The following CMIP variants were observed in gnomAD, a reference collection of about 807,000 sequenced individuals.
CMIP encodes the protein C-Maf-inducing protein.
Under a neutral mutation model 97.3 loss-of-function variants are expected in CMIP, and 13 were observed. The ratio of observed to expected loss-of-function variants is 0.13; its 90% confidence interval spans 0.09 to 0.21. The LOEUF is 0.21. CMIP is among the 10% of genes least tolerant of loss of function. The pLI is 1.00. For synonymous variants in CMIP, 538 were observed against 436.3 expected, an observed-to-expected ratio of 1.23 and a Z score of -2.91; for missense variants, 847 against 1,024.9, an observed-to-expected ratio of 0.83 and a Z score of 2.37.
intron 9 of CMIP, among the ~76,000 whole-genome samples, chr16:81,673,068 C>T (rs567894062): frequency 1.8e-4 from 28 of 152,186 alleles, no homozygotes; most frequent in Middle Eastern, 3.4e-3. Flanking sequence ...AGCAAGTGAC[C>T]GGAAGAGGTG....
chr16:81,661,569 G>A (rs1252273915), intron 6 of CMIP, among the ~76,000 whole-genome samples: 1 of 152,130 alleles, frequency 6.6e-6, no homozygotes, highest in African/African-American at 2.4e-5. Flanking sequence ...CTGCTGCCCC[G>A]CTCAGCTGGT....
intron 1 of CMIP, among the ~76,000 whole-genome samples, chr16:81,559,456 T>A (rs2090833636): frequency 6.6e-6 from 1 of 152,216 alleles, no homozygotes; most frequent in Non-Finnish European, 1.5e-5. Context: ...TATTCCTAAG[T>A]TCAGGTAAGG....
chr16:81,628,345 A>C (rs2092103321), intron 3 of CMIP, among the ~76,000 whole-genome samples: 1 of 152,120 alleles, frequency 6.6e-6, no homozygotes, highest in African/African-American at 2.4e-5. Context: ...CATCCAGCCC[A>C]AGCCGAGCCC....
At chr16:81,678,143 G>A (rs773170664) in intron 9 of CMIP, 132 bp from the exon 10 acceptor site, 4 of 689,440 alleles carry the variant, frequency 5.8e-6, no homozygotes, top group Non-Finnish European at 9.5e-6. Context: ...TTCCTCATTT[G>A]TAGCACAGGA....
At chr16:81,649,566 T>C (rs1032128083) in intron 3 of CMIP, among the ~76,000 whole-genome samples, 1 of 152,276 alleles carries the variant, frequency 6.6e-6, no homozygotes, top group Non-Finnish European at 1.5e-5. Flanking sequence ...ATGGTGGCTA[T>C]TTCTGGGTTG....
chr16:81,510,273 CTT>C (rs1417559173), intron 1 of CMIP, among the ~76,000 whole-genome samples: 5 of 152,146 alleles, frequency 3.3e-5, no homozygotes, highest in Admixed American at 1.3e-4. Context: ...TGTCAGGGCC[CTT>C]GTTTCCCTGG....
In CMIP at chr16:81,614,704, T is replaced by C. The variant is rs2091884379; in HGVS notation, c.427-6172T>C. On this transcript the variant is annotated intron_variant, in intron 2 of 20. Coordinates refer to ENST00000537098, the MANE Select transcript of CMIP (RefSeq NM_198390.3). This position sits in a 1 kb window ranked among gnomAD's most constrained non-coding sequence, Gnocchi z 5.3. The stretch of plus-strand genomic sequence containing the variant: ...TATGTGTGTGTGTGTGTGTATGGTA[T>C]GTCTGCATGTGTGTGCGTACACATG... Among the ~76,000 whole-genome samples the C allele has an allele frequency of 6.6e-6, 1 of 151,914 alleles. No individual in the cohort carries two copies. The highest frequency in any genetic ancestry group is 1.5e-5 in the Non-Finnish European group (1 of 67,982).
chr16:81,480,039 G>A (rs1051296818), intron 1 of CMIP, among the ~76,000 whole-genome samples: 7 of 152,168 alleles, frequency 4.6e-5, no homozygotes, highest in African/African-American at 9.7e-5. Context: ...CAAAACCCAG[G>A]CCCCACCCCA....
At chr16:81,457,760 G>A (rs553179457) in intron 1 of CMIP, among the ~76,000 whole-genome samples, 4 of 152,308 alleles carry the variant, frequency 2.6e-5, no homozygotes, top group East Asian at 3.9e-4. Flanking sequence ...CAGTCACCTC[G>A]TCTCTTCAGA....
chr16:81,451,832 C>T (rs1183118963), intron 1 of CMIP, among the ~76,000 whole-genome samples: 1 of 152,166 alleles, frequency 6.6e-6, no homozygotes, highest in Non-Finnish European at 1.5e-5. Flanking sequence ...AGGATGGAAG[C>T]CAGGCCACCC....
intron 1 of CMIP, among the ~76,000 whole-genome samples, chr16:81,549,657 A>G (rs866691001): frequency 1.3e-5 from 2 of 152,172 alleles, no homozygotes; most frequent in Non-Finnish European, 2.9e-5. Flanking sequence ...TGTACCATTC[A>G]TGATGAAATC....
intron 1 of CMIP, among the ~76,000 whole-genome samples, chr16:81,483,326 G>C (rs1009500975): frequency 5.9e-5 from 9 of 151,652 alleles, no homozygotes; most frequent in Non-Finnish European, 8.8e-5. Context: ...AATTTACCTG[G>C]TTTTTTTTCT....
chr16:81,670,860 G>C (rs1024358080), intron 8 of CMIP, among the ~76,000 whole-genome samples: 1 of 151,978 alleles, frequency 6.6e-6, no homozygotes, highest in African/African-American at 2.4e-5. Context: ...ATGGAGTCTC[G>C]CTCTGTCACC....
chr16:81,666,868 G>C (rs894097392), intron 7 of CMIP: 1 of 152,126 alleles, frequency 6.6e-6, no homozygotes, highest in African/African-American at 2.4e-5. Context: ...CAGGCGGTGG[G>C]CGAGAGAGAG....
intron 10 of CMIP, among the ~76,000 whole-genome samples, chr16:81,682,297 G>T (rs1904950353): frequency 6.6e-6 from 1 of 152,192 alleles, no homozygotes; most frequent in Non-Finnish European, 1.5e-5. Flanking sequence ...AGGCTCGGTG[G>T]CTCACACCTG....
intron 1 of CMIP, among the ~76,000 whole-genome samples, chr16:81,495,010 C>A (rs2089464334): frequency 1.3e-5 from 2 of 152,180 alleles, no homozygotes; most frequent in South Asian, 4.1e-4. Flanking sequence ...ATGGCACCCA[C>A]ACACAATTCT....
chr16:81,560,207 GT>G (rs1394548274), intron 1 of CMIP, among the ~76,000 whole-genome samples: 8 of 115,412 alleles, frequency 6.9e-5, no homozygotes, highest in African/African-American at 1.1e-4. Flanking sequence ...GTTTTGTTTT[GT>G]TTTTGTTTTG....
intron 9 of CMIP, among the ~76,000 whole-genome samples, chr16:81,674,153 C>T (rs2092707697): frequency 6.6e-6 from 1 of 152,162 alleles, no homozygotes; most frequent in Non-Finnish European, 1.5e-5. Flanking sequence ...TGAATCACTT[C>T]CCTGATCAGA....
intron 16 of CMIP, 89 bp downstream of exon 16, chr16:81,701,889 G>C: frequency 6.7e-7 from 1 of 1,502,226 alleles, no homozygotes; most frequent in Non-Finnish European, 9.1e-7. Flanking sequence ...ACTTGGACCT[G>C]AGTGGACCTC....
Sources: gnomAD v4.1 joint callset for allele counts (sites outside exome capture counted in the v4.1 genomes callset) on GRCh38, gnomAD v4.1.1 for gene constraint, Gnocchi (gnomAD v3.1) non-coding constraint, MANE v1.5 for transcripts, NCBI Gene and HGNC (gene_info 2026-07-23, HGNC 2026-07-21) for gene names.